Variants in BCAP29 observed in about 807,000 individuals in gnomAD.
BCAP29 encodes B cell receptor associated protein 29, also known as B-cell receptor-associated protein 29.
In BCAP29, 34 loss-of-function variants were observed where a neutral mutation model predicts 31.8. The observed-to-expected ratio is 1.07, with a 90% CI of 0.81 to 1.42. BCAP29 has a LOEUF of 1.42. Ranked by LOEUF, BCAP29 falls within the 40% of genes most tolerant of loss-of-function variation. BCAP29 has a pLI of 0.00. For missense variants in BCAP29, 314 were observed against 269.2 expected, an observed-to-expected ratio of 1.17 and a Z score of -1.16; for synonymous variants, 104 against 91.3, an observed-to-expected ratio of 1.14 and a Z score of -0.79.
intron 5 of BCAP29, among the ~76,000 whole-genome samples, chr7:107,599,342 C>CATAT (rs138569997): frequency 3.3e-5 from 2 of 60,926 alleles, no homozygotes; most frequent in African/African-American, 7.8e-5. Context: ...TATATGCACA[C>CATAT]ATATATATAT....
intron 6 of BCAP29, 75 bp downstream of exon 6, chr7:107,600,580 A>G (rs1366083344): frequency 1.3e-6 from 1 of 788,402 alleles, no homozygotes; most frequent in Non-Finnish European, 2.0e-6. Flanking sequence ...TGTTTTTCCT[A>G]AAACAAAACT....
rs1219247277 is a variant in BCAP29 at position 107,618,385 on chromosome 7, A to AT, written c.*23dup. ...GTGAACTTTATAAAAGACACTTGCA[A>AT]TATACTGTGTCAAAATGATAATTTT... On this transcript the variant is annotated 3_prime_UTR_variant, in exon 8 of 8. Transcript: ENST00000005259. The AT allele has an allele frequency of 6.2e-7, 1 of 1,611,898 alleles. No homozygotes were observed. Among genetic ancestry groups the AT allele is most frequent in the East Asian group, 2.2e-5 (1 of 44,728 alleles).
At chr7:107,580,173 GGGCGGGAGCCTGCGGGGCGTGA>G (rs1259826819), upstream of BCAP29, 3 of 152,108 alleles carry the variant, frequency 2.0e-5, no homozygotes, top group Admixed American at 6.5e-5. Flanking sequence ...ACGGACCCGC[GGGCGGGAGCCTGCGGGGCGTGA>G]GGCGGGGTGG....
intron 3 of BCAP29, among the ~76,000 whole-genome samples, chr7:107,586,281 C>T (rs1309776065): frequency 6.6e-6 from 1 of 152,122 alleles, no homozygotes; most frequent in Non-Finnish European, 1.5e-5. Context: ...GTTAATTCAT[C>T]ATCTCTGAAT....
At chr7:107,593,826 C>A (rs1809312145) in intron 3 of BCAP29, 129 bp from the exon 4 acceptor site, 16 of 846,186 alleles carry the variant, frequency 1.9e-5, no homozygotes, top group Non-Finnish European at 2.8e-5. Context: ...GACGGAATGA[C>A]ATAAAGGTCG....
chr7:107,619,738 T>C lies in BCAP29; in HGVS notation c.*1375T>C, dbSNP rs942560142. 6.6e-6 allele frequency: 1 copy of C among 152,188 alleles called. No homozygotes were observed. Among genetic ancestry groups the C allele is most frequent in the African/African-American group, 2.4e-5 (1 of 41,446 alleles). The allele number at this position is 152,188 out of a possible 1,614,324, so 9.4% of individuals were successfully genotyped here. A position where few individuals can be genotyped will look rare whatever the true frequency, so the allele number is the denominator to read the frequency against. ...ACAGAGCAAATGTTAGCTCAAAGTATAGACTTAGAAATATCAAAGTAAGAG... is the reference window on the plus strand; with the variant it reads ...ACAGAGCAAATGTTAGCTCAAAGTACAGACTTAGAAATATCAAAGTAAGAG... On this transcript the variant is annotated 3_prime_UTR_variant, in exon 8 of 8. Coordinates refer to ENST00000005259, the MANE Select transcript of BCAP29 (RefSeq NM_018844.4).
At position 107,581,484 on chromosome 7, in the gene BCAP29, A is replaced by G. The variant is rs1158653345; in HGVS notation, c.92+620A>G. On this transcript the variant is annotated intron_variant, in intron 2 of 7. Coordinates refer to ENST00000005259, the MANE Select transcript of BCAP29 (RefSeq NM_018844.4). ...CTTCTAAGGTCTTGAAGAACCAAGT[A>G]CAGTGTTTCAAGCCAAGCAGTGGTT... is the stretch of plus-strand genomic sequence containing the variant. Among the ~76,000 whole-genome samples, 19 of 152,232 alleles carry G rather than the reference A, an allele frequency of 1.2e-4. No homozygotes were observed. The East Asian group carries it at 3.7e-3, about 29-fold the overall frequency.
At chr7:107,594,454 C>T (rs903113713) in intron 4 of BCAP29, among the ~76,000 whole-genome samples, 19 of 64,078 alleles carry the variant, frequency 3.0e-4, no homozygotes, top group South Asian at 7.3e-4. Context: ...TCCCAAAGTA[C>T]GGAGATTACA....
At chr7:107,590,968 T>C (rs1192435096) in intron 3 of BCAP29, among the ~76,000 whole-genome samples, 2 of 152,158 alleles carry the variant, frequency 1.3e-5, no homozygotes, top group African/African-American at 4.8e-5. Context: ...TAATTGTATT[T>C]CTATACTATA....
intron 6 of BCAP29, among the ~76,000 whole-genome samples, chr7:107,605,135 T>G (rs1353345537): frequency 1.3e-5 from 2 of 152,246 alleles, no homozygotes; most frequent in African/African-American, 4.8e-5. Context: ...CCCTTTCTTG[T>G]GAGCTTCTTA....
At chr7:107,621,893 C>CT, downstream of BCAP29, 1 of 534,698 alleles carries the variant, frequency 1.9e-6, no homozygotes, top group Non-Finnish European at 3.8e-6. Flanking sequence ...TTATTTGTTA[C>CT]TGCTGCCATA....
intron 7 of BCAP29, among the ~76,000 whole-genome samples, chr7:107,617,489 GAACT>G (rs1190081624): frequency 6.6e-6 from 1 of 151,992 alleles, no homozygotes; most frequent in Non-Finnish European, 1.5e-5. Flanking sequence ...AAGAAAAACA[GAACT>G]AACTAGAGAT....
chr7:107,613,978 A>G (rs1209136655), intron 7 of BCAP29, among the ~76,000 whole-genome samples: 9 of 152,312 alleles, frequency 5.9e-5, no homozygotes, highest in South Asian at 4.1e-4. Flanking sequence ...CTCTAATTCA[A>G]TAAAAGAAAT....
intron 6 of BCAP29, among the ~76,000 whole-genome samples, chr7:107,605,353 G>A (rs1811895763): frequency 6.6e-6 from 1 of 152,204 alleles, no homozygotes; most frequent in African/African-American, 2.4e-5. Context: ...GTTCTCAGAA[G>A]AGCTTGTAGT....
intron 7 of BCAP29, among the ~76,000 whole-genome samples, chr7:107,613,988 T>C (rs1206839823): frequency 6.6e-6 from 1 of 152,176 alleles, no homozygotes; most frequent in Non-Finnish European, 1.5e-5. Flanking sequence ...ATAAAAGAAA[T>C]GGTCATCCCT....
At chr7:107,596,135 A>G in intron 5 of BCAP29, 133 bp downstream of exon 5, 1 of 736,538 alleles carries the variant, frequency 1.4e-6, no homozygotes, top group Non-Finnish European at 2.0e-6. Flanking sequence ...TATTTTATGT[A>G]ATGATTATTT....
At position 107,583,929 on chromosome 7, in the gene BCAP29, T is replaced by A; in HGVS notation, c.140T>A (p.Phe47Tyr). 1.9e-6 allele frequency: 3 copies of A among 1,590,120 alleles called. No homozygotes were observed. The highest frequency in any genetic ancestry group is 2.6e-6 in the Non-Finnish European group (3 of 1,167,508). Reference protein sequence around the residue: ...SFNVWGKIATFWNKAFLTIII... With the variant: ...SFNVWGKIATYWNKAFLTIII... ...AATGTCTGGGGTAAAATTGCAACTT[T>A]TTGGAACAAGGCTTTCCTTACCATT... Residue 47 changes from phenylalanine to tyrosine, a missense_variant, in exon 3 of 8, where the codon TTT becomes TAT. By Grantham distance (22) the Phe-to-Tyr change is conservative (BLOSUM62 3). Coordinates refer to ENST00000005259, the MANE Select transcript of BCAP29 (RefSeq NM_018844.4).
Position 107,591,631 on chromosome 7 carries a change from C to T in BCAP29, c.194-2324C>T, listed in dbSNP as rs142480323. 4.1e-5 allele frequency among the ~76,000 whole-genome samples: 6 copies of T among 144,952 alleles called. No homozygotes were observed. In the East Asian group the frequency reaches 1.0e-3, roughly 25 times the overall value. ...GTCTGCCCCCTGTACCACTTTTCCC[C>T]ATACACACATACACACACACACACA... On this transcript the variant is annotated intron_variant, in intron 3 of 7. Coordinates refer to ENST00000005259, the MANE Select transcript of BCAP29 (RefSeq NM_018844.4).
At chr7:107,611,761 A>G (rs1320555619) in intron 6 of BCAP29, among the ~76,000 whole-genome samples, 2 of 152,354 alleles carry the variant, frequency 1.3e-5, no homozygotes, top group East Asian at 3.9e-4. Context: ...TCAGTCTTTA[A>G]TACCTTATTT....
Sources: gnomAD v4.1 joint callset for allele counts (sites outside exome capture counted in the v4.1 genomes callset) on GRCh38, gnomAD v4.1.1 for gene constraint, MANE v1.5 for transcripts, NCBI Gene and HGNC (gene_info 2026-07-23, HGNC 2026-07-21) for gene names.